TP63: variants seen among roughly 807,000 people sequenced by gnomAD.
TP63 encodes tumor protein p63, also known as tumor protein 63.
Under a neutral mutation model 82.8 loss-of-function variants are expected in TP63, and 17 were observed. That is an observed-to-expected ratio of 0.21 (90% CI 0.14 to 0.31). TP63 has a LOEUF of 0.31. Ranked by LOEUF, TP63 falls within the 10% of genes least tolerant of loss-of-function variation. TP63 has a pLI of 1.00. For synonymous variants in TP63, 330 were observed against 321.7 expected, an observed-to-expected ratio of 1.03 and a Z score of -0.28; for missense variants, 648 against 895.3, an observed-to-expected ratio of 0.72 and a Z score of 3.52.
chr3:189,599,212 TA>T, the TP63 span, among the ~76,000 whole-genome samples: 23 of 152,254 alleles, frequency 1.5e-4, no homozygotes, highest in Non-Finnish European at 2.8e-4. Context: ...TCTGTTTTCC[TA>T]CTCTTTGTTC....
At chr3:189,767,165 A>G (rs1263285396) in intron 3 of TP63, among the ~76,000 whole-genome samples, 2 of 152,186 alleles carry the variant, frequency 1.3e-5, no homozygotes, top group Admixed American at 1.3e-4. Flanking sequence ...GTTGTAGAGT[A>G]TATACTTCAA....
intron 1 of TP63, among the ~76,000 whole-genome samples, chr3:189,645,628 G>A (rs565146953): frequency 6.7e-6 from 1 of 148,220 alleles, no homozygotes; most frequent in South Asian, 2.2e-4. Flanking sequence ...TTAGCGTTAG[G>A]TATATCTCCT....
chr3:189,715,539 G>A (rs1192165992), intron 1 of TP63, among the ~76,000 whole-genome samples: 1 of 152,168 alleles, frequency 6.6e-6, no homozygotes, highest in Admixed American at 6.5e-5. Context: ...AAAGATGATT[G>A]TAATTACAAA....
chr3:189,755,129 G>A (rs960309898), intron 3 of TP63, among the ~76,000 whole-genome samples: 7 of 152,072 alleles, frequency 4.6e-5, no homozygotes, highest in Admixed American at 2.6e-4. Context: ...GTTTCTCATT[G>A]ATCTCAGAGA....
At chr3:189,875,565 C>CAAAAAG (rs1167684534) in intron 10 of TP63, among the ~76,000 whole-genome samples, 7 of 83,054 alleles carry the variant, frequency 8.4e-5, no homozygotes, top group South Asian at 3.8e-4. Flanking sequence ...GACTTCATCT[C>CAAAAAG]AAAAAGAAAA....
intron 4 of TP63, among the ~76,000 whole-genome samples, chr3:189,820,266 A>G (rs1728666331): frequency 1.3e-5 from 2 of 152,212 alleles, no homozygotes; most frequent in Admixed American, 6.5e-5. Context: ...ACCACAAGGA[A>G]CTATAGACTT....
intron 4 of TP63, among the ~76,000 whole-genome samples, chr3:189,814,362 A>T (rs1256216422): frequency 6.6e-6 from 1 of 152,190 alleles, no homozygotes; most frequent in Non-Finnish European, 1.5e-5. Context: ...TCTGAGTCTC[A>T]TCTGGGGCTT....
chr3:189,801,123 C>T (rs1210591175), intron 3 of TP63, among the ~76,000 whole-genome samples: 1 of 152,054 alleles, frequency 6.6e-6, no homozygotes, highest in Admixed American at 6.6e-5. Flanking sequence ...CTTTCCAAAC[C>T]AAGGATGCAT....
rs552091261 is a variant in TP63 at position 189,878,666 on chromosome 3, A to T, written c.1349+5671A>T. Among the ~76,000 whole-genome samples the T allele has an allele frequency of 2.3e-3, 348 of 148,788 alleles. 1 individual carries two copies. Among genetic ancestry groups the T allele is most frequent in the African/African-American group, 8.2e-3 (329 of 40,134 alleles). ...CTGGTCTCAAACCCCTGACGTTGTG[A>T]TCCCCCCGACCTTGGCCTCCCACAG... On this transcript the variant is annotated intron_variant, in intron 10 of 13. Transcript: ENST00000264731.
intron 10 of TP63, among the ~76,000 whole-genome samples, chr3:189,884,751 G>T (rs1720265140): frequency 6.6e-6 from 1 of 152,176 alleles, no homozygotes; most frequent in African/African-American, 2.4e-5. Flanking sequence ...GGCAGTGATT[G>T]TAAAATACAC....
chr3:189,792,243 G>A (rs1278056930), intron 3 of TP63, among the ~76,000 whole-genome samples: 1 of 151,956 alleles, frequency 6.6e-6, no homozygotes, highest in Non-Finnish European at 1.5e-5. Context: ...GATATAACAG[G>A]CAAGGCTGAA....
upstream of TP63, among the ~76,000 whole-genome samples, chr3:189,629,814 T>G (rs935042504): frequency 6.6e-6 from 1 of 152,212 alleles, no homozygotes; most frequent in Admixed American, 6.5e-5. Flanking sequence ...AGGAAATTGA[T>G]TATTTTTAAT....
At chr3:189,685,323 C>T (rs1716346210) in intron 1 of TP63, among the ~76,000 whole-genome samples, 1 of 152,130 alleles carries the variant, frequency 6.6e-6, no homozygotes, top group African/African-American at 2.4e-5. Context: ...TGATGTTTCT[C>T]CCTTTGCCCT....
At chr3:189,649,498 G>A (rs1366189627) in intron 1 of TP63, among the ~76,000 whole-genome samples, 1 of 145,294 alleles carries the variant, frequency 6.9e-6, no homozygotes. Flanking sequence ...AGGAAGGAGA[G>A]GATCAAAAAA....
At chr3:189,821,295 T>G (rs535427643) in intron 4 of TP63, among the ~76,000 whole-genome samples, 1 of 152,346 alleles carries the variant, frequency 6.6e-6, no homozygotes, top group South Asian at 2.1e-4. Flanking sequence ...AATGTATGTT[T>G]CCCTTGCACT....
chr3:189,690,841 G>T (rs2108718617), intron 1 of TP63, among the ~76,000 whole-genome samples: 1 of 152,162 alleles, frequency 6.6e-6, no homozygotes, highest in East Asian at 1.9e-4. Flanking sequence ...TTTTCAGTTA[G>T]ACTTGGAACA....
At chr3:189,891,887 G>A (rs1302283434) in intron 13 of TP63, among the ~76,000 whole-genome samples, 1 of 152,062 alleles carries the variant, frequency 6.6e-6, no homozygotes, top group Non-Finnish European at 1.5e-5. Context: ...TACTTCTATT[G>A]TTGGGGACTC....
intron 1 of TP63, among the ~76,000 whole-genome samples, chr3:189,734,133 TCCCTCCCTCCCTCCG>T (rs1418962053): frequency 0.034 from 4,500 of 131,982 alleles, 132 homozygotes; most frequent in Middle Eastern, 0.053. Flanking sequence ...TCTCTTTCCC[TCCCTCCCTCCCTCCG>T]TCCCTCCCTC....
chr3:189,839,055 A>G (rs1337180656), intron 4 of TP63, among the ~76,000 whole-genome samples: 3 of 149,330 alleles, frequency 2.0e-5, no homozygotes, highest in Admixed American at 1.4e-4. Context: ...AAAAAAAAAA[A>G]AAAAAAAAAG....
Sources: allele counts gnomAD v4.1 joint callset (sites outside exome capture counted in the v4.1 genomes callset), GRCh38; gene constraint gnomAD v4.1.1; transcripts MANE v1.5; gene names NCBI Gene and HGNC (gene_info 2026-07-23, HGNC 2026-07-21).